The following NPAS3 variants were observed in gnomAD, a reference collection of about 807,000 sequenced individuals.
NPAS3 encodes the protein neuronal PAS domain protein 3, also known as neuronal PAS domain-containing protein 3.
A neutral mutation model predicts 73.1 loss-of-function variants in NPAS3; 14 were observed. The ratio of observed to expected loss-of-function variants is 0.19; its 90% confidence interval spans 0.13 to 0.30. The LOEUF (loss-of-function observed/expected upper bound fraction) is 0.30, where lower values mean the gene tolerates loss of function less well. Among genes scored for constraint, NPAS3 ranks in the 10% least tolerant of loss-of-function variants. NPAS3 has a pLI of 1.00. For synonymous variants in NPAS3, 620 were observed against 541.5 expected, an observed-to-expected ratio of 1.14 and a Z score of -2.01; for missense variants, 1,096 against 1,250.0, an observed-to-expected ratio of 0.88 and a Z score of 1.86.
intron 2 of NPAS3, among the ~76,000 whole-genome samples, chr14:33,093,743 G>T (rs1282111081): frequency 1.3e-5 from 2 of 152,090 alleles, no homozygotes; most frequent in African/African-American, 4.8e-5. Flanking sequence ...TGATAGACTG[G>T]ATTAAGAAAA....
At chr14:33,736,421 C>A (rs1295928991) in intron 7 of NPAS3, among the ~76,000 whole-genome samples, 2 of 152,172 alleles carry the variant, frequency 1.3e-5, no homozygotes, top group East Asian at 3.8e-4. Flanking sequence ...AGTGGAGCCT[C>A]CTTAACCTTT....
At chr14:33,797,500 C>T in exon 11 of NPAS3, 1 of 1,614,160 alleles carries the variant, frequency 6.2e-7, no homozygotes, top group Non-Finnish European at 8.5e-7. Context: ...CGCACAGCTC[C>T]CCCATCTGCC....
At chr14:33,381,679 G>A (rs1355541733) in intron 4 of NPAS3, among the ~76,000 whole-genome samples, 2 of 152,108 alleles carry the variant, frequency 1.3e-5, no homozygotes, top group African/African-American at 4.8e-5. Flanking sequence ...GAAATATTAG[G>A]TATTAAATTA....
chr14:33,538,025 G>A (rs907900727), intron 4 of NPAS3, among the ~76,000 whole-genome samples: 10 of 152,178 alleles, frequency 6.6e-5, no homozygotes, highest in African/African-American at 9.7e-5. Flanking sequence ...GGTTGTGGTG[G>A]CATAGACCAT....
chr14:33,390,023 C>T (rs1471765496), intron 4 of NPAS3, among the ~76,000 whole-genome samples: 2 of 141,382 alleles, frequency 1.4e-5, no homozygotes, highest in Non-Finnish European at 3.1e-5. Flanking sequence ...CTTCAGATGT[C>T]ATCTAGAATG....
chr14:33,649,951 G>A (rs540032747), intron 5 of NPAS3, among the ~76,000 whole-genome samples: 6 of 152,136 alleles, frequency 3.9e-5, no homozygotes, highest in African/African-American at 7.2e-5. Flanking sequence ...TCTGGCAAAG[G>A]TCAAGCCACC....
intron 5 of NPAS3, among the ~76,000 whole-genome samples, chr14:33,590,134 C>A (rs1387985627): frequency 6.6e-6 from 1 of 152,092 alleles, no homozygotes; most frequent in East Asian, 1.9e-4. Context: ...ATAAGAAAAT[C>A]ATGAGCAGAA....
intron 4 of NPAS3, among the ~76,000 whole-genome samples, chr14:33,551,319 A>C (rs1453971401): frequency 6.6e-6 from 1 of 152,206 alleles, no homozygotes; most frequent in African/African-American, 2.4e-5. Context: ...TACTCCCGAC[A>C]CAAACCTCCT....
chr14:32,952,581 A>G (rs2036526112), intron 1 of NPAS3, among the ~76,000 whole-genome samples: 1 of 152,116 alleles, frequency 6.6e-6, no homozygotes, highest in Non-Finnish European at 1.5e-5. Context: ...TCTCATAGTG[A>G]CATTGTTTTA....
At chr14:33,652,662 G>A (rs183955005) in intron 5 of NPAS3, among the ~76,000 whole-genome samples, 8 of 152,280 alleles carry the variant, frequency 5.3e-5, no homozygotes, top group Admixed American at 2.0e-4. Context: ...TGATTCAGGC[G>A]CCATGCCTTG....
At position 33,168,466 on chromosome 14, in the gene NPAS3, C is replaced by T. The variant is rs8006318; in HGVS notation, c.141-46716C>T. ...AAGCATATCATTCCAAAGACAGGGG[C>T]CTGTCTGAGGAGGTAATTTGTAATT... On this transcript the variant is annotated intron_variant, in intron 2 of 11. Coordinates refer to ENST00000356141, the Ensembl canonical transcript of NPAS3. Among the ~76,000 whole-genome samples, 840 of 152,242 alleles carry T rather than the reference C, an allele frequency of 5.5e-3. 10 individuals are homozygous for T. The highest frequency in any genetic ancestry group is 0.019 in the African/African-American group (807 of 41,526).
chr14:33,135,902 T>G (rs1419629160), intron 2 of NPAS3, among the ~76,000 whole-genome samples: 1 of 152,076 alleles, frequency 6.6e-6, no homozygotes, highest in Non-Finnish European at 1.5e-5. Flanking sequence ...CTTTTTACAG[T>G]GAAATAGACC....
chr14:33,094,376 T>C (rs1439823475), intron 2 of NPAS3, among the ~76,000 whole-genome samples: 1 of 152,186 alleles, frequency 6.6e-6, no homozygotes, highest in South Asian at 2.1e-4. Context: ...TAAACCAATA[T>C]TTTAATATCG....
At chr14:32,982,108 C>A (rs1283358891) in intron 1 of NPAS3, among the ~76,000 whole-genome samples, 1 of 152,146 alleles carries the variant, frequency 6.6e-6, no homozygotes, top group Admixed American at 6.5e-5. Context: ...TTCTCATACT[C>A]CTGGAGTCTG....
intron 6 of NPAS3, among the ~76,000 whole-genome samples, chr14:33,706,271 G>A (rs1484722536): frequency 6.6e-6 from 1 of 152,210 alleles, no homozygotes; most frequent in Non-Finnish European, 1.5e-5. Flanking sequence ...TCAAGTGGTG[G>A]AGAGGGAGGA....
At chr14:33,500,174 G>A (rs925941632) in intron 4 of NPAS3, among the ~76,000 whole-genome samples, 30 of 151,868 alleles carry the variant, frequency 2.0e-4, no homozygotes. Context: ...CAAACCCACA[G>A]AGTCTCTGTT....
intron 5 of NPAS3, among the ~76,000 whole-genome samples, chr14:33,629,060 T>C (rs1348713636): frequency 6.6e-6 from 1 of 151,422 alleles, no homozygotes; most frequent in Non-Finnish European, 1.5e-5. Flanking sequence ...TGAAACCCCG[T>C]CTCTACTAAA....
At chr14:33,545,707 A>G (rs1484705895) in intron 4 of NPAS3, among the ~76,000 whole-genome samples, 1 of 152,170 alleles carries the variant, frequency 6.6e-6, no homozygotes, top group Non-Finnish European at 1.5e-5. Flanking sequence ...AGATTGTTCC[A>G]TCTTCTCTAT....
chr14:33,774,971 A>G (rs1452593986), intron 8 of NPAS3, among the ~76,000 whole-genome samples: 1 of 152,186 alleles, frequency 6.6e-6, no homozygotes, highest in African/African-American at 2.4e-5. Flanking sequence ...TCCACAGAGG[A>G]AAAAGGATGA....
Sources: gnomAD v4.1 joint callset for allele counts (sites outside exome capture counted in the v4.1 genomes callset) on GRCh38, gnomAD v4.1.1 for gene constraint, MANE v1.5 for transcripts, NCBI Gene and HGNC (gene_info 2026-07-23, HGNC 2026-07-21) for gene names.